Variants in GNAO1 observed in about 807,000 individuals in gnomAD.
The protein encoded by GNAO1 is G protein subunit alpha o1, also known as guanine nucleotide-binding protein G(o) subunit alpha.
For synonymous variants in GNAO1, 164 were observed against 180.7 expected, an observed-to-expected ratio of 0.91 and a Z score of 0.74; for missense variants, 166 against 478.7, an observed-to-expected ratio of 0.35 and a Z score of 6.10.
At chr16:56,306,531 C>T (rs571768012) in intron 3 of GNAO1, among the ~76,000 whole-genome samples, 3 of 152,328 alleles carry the variant, frequency 2.0e-5, no homozygotes, top group African/African-American at 7.2e-5. Flanking sequence ...AGTGTTTCTT[C>T]AGCCTCCAGG....
At chr16:56,297,341 T>A (rs2037296895) in intron 3 of GNAO1, among the ~76,000 whole-genome samples, 1 of 151,206 alleles carries the variant, frequency 6.6e-6, no homozygotes, top group Admixed American at 6.6e-5. Context: ...TGACCCCCGG[T>A]TGCAGACAAG....
At chr16:56,267,827 A>C (rs991427003) in intron 2 of GNAO1, among the ~76,000 whole-genome samples, 131 of 152,158 alleles carry the variant, frequency 8.6e-4, no homozygotes, top group African/African-American at 2.8e-3. Context: ...GTAGGTATGC[A>C]AATAATATAT....
chr16:56,274,047 G>T (rs780326491), intron 2 of GNAO1, among the ~76,000 whole-genome samples: 23 of 152,114 alleles, frequency 1.5e-4, no homozygotes, highest in Non-Finnish European at 2.8e-4. Context: ...CCTCTGGTAC[G>T]CTGCCCTTCC....
intron 2 of GNAO1, chr16:56,194,522 G>T (rs998291819): frequency 6.4e-5 from 20 of 312,784 alleles, no homozygotes; most frequent in Non-Finnish European, 1.1e-4. Context: ...AGTCGATGGG[G>T]CTCAGTTCGG....
chr16:56,281,895 CAT>C (rs1233943313), intron 3 of GNAO1, among the ~76,000 whole-genome samples: 27 of 152,352 alleles, frequency 1.8e-4, no homozygotes, highest in African/African-American at 3.4e-4. Context: ...CATACACACA[CAT>C]GTGTCTATAT....
intron 6 of GNAO1, among the ~76,000 whole-genome samples, chr16:56,341,226 G>A (rs2037800143): frequency 6.6e-6 from 1 of 152,234 alleles, no homozygotes; most frequent in Admixed American, 6.5e-5. Flanking sequence ...TGTGACCATG[G>A]CGGCCTCTGG....
intron 2 of GNAO1, among the ~76,000 whole-genome samples, chr16:56,239,973 T>A (rs1309755820): frequency 6.6e-6 from 1 of 152,178 alleles, no homozygotes; most frequent in Non-Finnish European, 1.5e-5. Context: ...ACAAAGATGT[T>A]TATAGGTCAG....
chr16:56,213,795 G>A (rs148694793), intron 2 of GNAO1, among the ~76,000 whole-genome samples: 1 of 152,144 alleles, frequency 6.6e-6, no homozygotes, highest in Admixed American at 6.5e-5. Flanking sequence ...GAGTCTGCCC[G>A]TGTGCAAACC....
At chr16:56,309,622 A>G (rs977354012) in intron 3 of GNAO1, among the ~76,000 whole-genome samples, 3 of 152,208 alleles carry the variant, frequency 2.0e-5, no homozygotes, top group Admixed American at 6.5e-5. Flanking sequence ...TTCCCAGCCA[A>G]TCAGGGTTGT....
chr16:56,303,011 C>T (rs899322722), intron 3 of GNAO1: 9 of 152,246 alleles, frequency 5.9e-5, no homozygotes, highest in African/African-American at 2.2e-4. Context: ...ACTATCTCCT[C>T]CCCAGCCTGG....
intron 2 of GNAO1, among the ~76,000 whole-genome samples, chr16:56,202,051 C>G (rs1824233441): frequency 6.6e-6 from 1 of 152,114 alleles, no homozygotes; most frequent in Admixed American, 6.5e-5. Context: ...ACACACATTC[C>G]AGCTCCAGGA....
intron 2 of GNAO1, among the ~76,000 whole-genome samples, chr16:56,257,178 G>T (rs371131741): frequency 5.3e-5 from 8 of 152,082 alleles, no homozygotes; most frequent in African/African-American, 9.7e-5. Context: ...CTGGGTTTGG[G>T]GGGGGGAAAT....
chr16:56,331,914 G>A (rs1475470012), intron 4 of GNAO1, among the ~76,000 whole-genome samples: 1 of 152,110 alleles, frequency 6.6e-6, no homozygotes, highest in African/African-American at 2.4e-5. Flanking sequence ...AAGCTGCTCT[G>A]TGTGCTCCTC....
chr16:56,307,074 A>T (rs1180741049), intron 3 of GNAO1: 1 of 152,092 alleles, frequency 6.6e-6, no homozygotes, highest in African/African-American at 2.4e-5. Flanking sequence ...ACTGGACAGA[A>T]CTCTGGCCTG....
intron 6 of GNAO1, among the ~76,000 whole-genome samples, chr16:56,339,601 A>T (rs1191508911): frequency 6.6e-6 from 1 of 152,232 alleles, no homozygotes; most frequent in Non-Finnish European, 1.5e-5. Flanking sequence ...GAGCCAGGCC[A>T]GGAGAGCCCT....
intron 2 of GNAO1, among the ~76,000 whole-genome samples, chr16:56,260,054 A>G (rs1455506597): frequency 3.9e-5 from 6 of 152,142 alleles, no homozygotes; most frequent in African/African-American, 1.4e-4. Context: ...TTCATCTTCA[A>G]AGTGGAGCTA....
intron 3 of GNAO1, among the ~76,000 whole-genome samples, chr16:56,285,378 C>G (rs1038156162): frequency 9.2e-5 from 14 of 152,076 alleles, no homozygotes; most frequent in African/African-American, 3.4e-4. Context: ...TGTCCAAGAG[C>G]CACCCCATTG....
At chr16:56,291,425 T>C (rs2587883) in intron 3 of GNAO1, among the ~76,000 whole-genome samples, 4,646 of 152,316 alleles carry the variant, frequency 0.031, 178 homozygotes, top group East Asian at 0.18. Context: ...AAATGTCTAT[T>C]CAGAATTAGC....
Position 56,351,322 on chromosome 16 carries a change from T to G in GNAO1, c.724-62T>G. The G allele has an allele frequency of 8.1e-7, 1 of 1,235,490 alleles. No homozygotes were observed. The highest frequency in any genetic ancestry group is 1.2e-6 in the Non-Finnish European group (1 of 850,554). 76.5% of individuals were successfully genotyped at this position (1,235,490 alleles called of 1,614,324 possible). A position where few individuals can be genotyped will look rare whatever the true frequency, so the allele number is the denominator to read the frequency against. Reference sequence around the variant, plus strand: ...GTCAAGCCTAATTCTCTCCTTCTCTTTCCCTGTCTCTGTGTCTCCCTCCCG... The same window carrying G: ...GTCAAGCCTAATTCTCTCCTTCTCTGTCCCTGTCTCTGTGTCTCCCTCCCG... On this transcript the variant is annotated intron_variant, in intron 6 of 8. Transcript: ENST00000262493. This position sits in a 1 kb window ranked among gnomAD's most constrained non-coding sequence, Gnocchi z 6.1.
Sources: allele counts gnomAD v4.1 joint callset (sites outside exome capture counted in the v4.1 genomes callset), GRCh38; gene constraint gnomAD v4.1.1; non-coding constraint Gnocchi (gnomAD v3.1); transcripts MANE v1.5; gene names NCBI Gene and HGNC (gene_info 2026-07-23, HGNC 2026-07-21).